Variants in TSHR observed in about 807,000 individuals in gnomAD.
TSHR encodes the protein thyroid stimulating hormone receptor.
TSHR carries 51 observed loss-of-function variants against 64.1 expected under a neutral mutation model. The observed-to-expected ratio is 0.80, with a 90% CI of 0.64 to 1.01. The LOEUF (loss-of-function observed/expected upper bound fraction) is 1.01. Among genes scored for constraint, TSHR ranks in the 50% least tolerant of loss-of-function variants. The pLI is 0.00. For synonymous variants in TSHR, 361 were observed against 361.9 expected, an observed-to-expected ratio of 1.00 and a Z score of 0.03; for missense variants, 877 against 942.8, an observed-to-expected ratio of 0.93 and a Z score of 0.91.
At chr14:81,003,820 A>C (rs1381264684) in intron 1 of TSHR, among the ~76,000 whole-genome samples, 1 of 152,056 alleles carries the variant, frequency 6.6e-6, no homozygotes. Flanking sequence ...ATGGCTTTGC[A>C]CACTTCACCT....
At chr14:81,038,704 C>T (rs994876378) in intron 1 of TSHR, among the ~76,000 whole-genome samples, 1 of 149,140 alleles carries the variant, frequency 6.7e-6, no homozygotes, top group African/African-American at 2.4e-5. Flanking sequence ...TTATGTTGTG[C>T]ACATGTACCC....
chr14:81,085,163 C>T (rs572214440), intron 3 of TSHR, among the ~76,000 whole-genome samples: 1 of 152,034 alleles, frequency 6.6e-6, no homozygotes, highest in Middle Eastern at 3.2e-3. Context: ...GGTTTCACCA[C>T]GTTGCCCAGG....
In TSHR at chr14:81,092,522, C is replaced by G; in HGVS notation, c.468-9C>G. ...TTTCATTAAGTGTTTTTGTCCCTCT[C>G]TCTTGCAGTGAAATTACAGACAACC... On this transcript the variant is annotated splice_polypyrimidine_tract_variant and intron_variant, in intron 5 of 9. Transcript: ENST00000298171. 2 of 1,613,966 alleles carry G rather than the reference C, an allele frequency of 1.2e-6. No individual in the cohort carries two copies. Among genetic ancestry groups the G allele is most frequent in the Non-Finnish European group, 1.7e-6 (2 of 1,179,850 alleles).
In TSHR at chr14:80,955,773, C is replaced by T. The variant is rs745922510; in HGVS notation, c.93C>T (p.Cys31=). The T allele has an allele frequency of 6.2e-7, 1 of 1,614,182 alleles. No homozygotes were observed. The highest frequency in any genetic ancestry group is 1.1e-5 in the South Asian group (1 of 91,080). Residue 31 remains cysteine, a synonymous_variant, in exon 1 of 10, where the codon TGC becomes TGT. Coordinates refer to ENST00000298171, the MANE Select transcript of TSHR (RefSeq NM_000369.5). ...GGTGTTCGTCTCCACCCTGCGAGTG[C>T]CATCAGGAGGAGGACTTCAGAGTCA... ...GMGCSSPPCE[C]HQEEDFRVTC...
chr14:81,077,411 C>A (rs566905136), intron 3 of TSHR, among the ~76,000 whole-genome samples: 1 of 152,320 alleles, frequency 6.6e-6, no homozygotes, highest in South Asian at 2.1e-4. Flanking sequence ...TGTACACACA[C>A]ATATTCATAC....
At position 80,957,712 on chromosome 14, in the gene TSHR, C is replaced by T. The variant is rs1273254598; in HGVS notation, c.170+1862C>T. On this transcript the variant is annotated intron_variant, in intron 1 of 9. Coordinates refer to ENST00000298171, the MANE Select transcript of TSHR (RefSeq NM_000369.5). ...GGGTAATGGAGAATGAGCAATGGAA[C>T]AGGAGTCAGGAAACCAGCATTCTCT... is the stretch of plus-strand genomic sequence containing the variant. 4.6e-5 allele frequency: 7 copies of T among 152,272 alleles called. 1 individual carries two copies. The highest frequency in any genetic ancestry group is 1.4e-4 in the African/African-American group (6 of 41,550). The allele number at this position is 152,272 out of a possible 1,614,324, so 9.4% of individuals were successfully genotyped here. A position where few individuals can be genotyped will look rare whatever the true frequency, so the allele number is the denominator to read the frequency against.
chr14:80,997,165 G>A (rs747097307), intron 1 of TSHR, among the ~76,000 whole-genome samples: 8 of 152,250 alleles, frequency 5.3e-5, no homozygotes, highest in East Asian at 1.9e-4. Context: ...CTCAACCAAC[G>A]TCAAGCAACT....
chr14:80,996,782 C>T (rs1208767670), intron 1 of TSHR, among the ~76,000 whole-genome samples: 3 of 152,138 alleles, frequency 2.0e-5, no homozygotes, highest in Middle Eastern at 6.8e-3. Flanking sequence ...GAGGTGGGTG[C>T]GGATGGTGGG....
In TSHR at chr14:80,955,732, G is replaced by T. The variant is rs758625628; in HGVS notation, c.52G>T (p.Asp18Tyr). ...GGTGCTGCTGCTCGACCTGCCCAGGGACCTGGGCGGAATGGGGTGTTCGTC... is the reference window on the plus strand; with the variant it reads ...GGTGCTGCTGCTCGACCTGCCCAGGTACCTGGGCGGAATGGGGTGTTCGTC... Reference protein sequence around the residue: ...QLVLLLDLPRDLGGMGCSSPP... With the variant: ...QLVLLLDLPRYLGGMGCSSPP... Residue 18 changes from aspartate to tyrosine, a missense_variant, in exon 1 of 10, where the codon GAC (aspartate) becomes TAC (tyrosine). Coordinates refer to ENST00000298171, the MANE Select transcript of TSHR (RefSeq NM_000369.5). The T allele has an allele frequency of 1.9e-6, 3 of 1,614,136 alleles. No homozygotes were observed. Among genetic ancestry groups the T allele is most frequent in the Non-Finnish European group, 8.5e-7 (1 of 1,180,010 alleles).
chr14:80,998,683 C>T (rs1889147708), intron 1 of TSHR, among the ~76,000 whole-genome samples: 1 of 151,944 alleles, frequency 6.6e-6, no homozygotes, highest in Non-Finnish European at 1.5e-5. Context: ...TGATACACAA[C>T]ATTATCTTGA....
chr14:81,138,934 A>G (rs1285904876), intron 8 of TSHR, among the ~76,000 whole-genome samples: 2 of 152,208 alleles, frequency 1.3e-5, no homozygotes, highest in African/African-American at 2.4e-5. Context: ...AGAAAAGAGC[A>G]GAGAATGCCA....
intron 8 of TSHR, among the ~76,000 whole-genome samples, chr14:81,122,949 A>T (rs1183966301): frequency 1.3e-5 from 2 of 152,126 alleles, no homozygotes; most frequent in African/African-American, 4.8e-5. Context: ...TACATGGTGA[A>T]ACGCCGTCTC....
At chr14:81,082,750 C>T (rs878980853) in intron 3 of TSHR, among the ~76,000 whole-genome samples, 6 of 152,190 alleles carry the variant, frequency 3.9e-5, no homozygotes, top group Admixed American at 2.0e-4. Flanking sequence ...GTGGCAGCTT[C>T]TCTTCTGACA....
intron 1 of TSHR, chr14:81,012,234 T>C (rs1889953427): frequency 6.6e-6 from 1 of 151,684 alleles, no homozygotes; most frequent in Admixed American, 6.6e-5. Flanking sequence ...AATGATGATT[T>C]CCAATTTCAT....
intron 1 of TSHR, among the ~76,000 whole-genome samples, chr14:80,984,246 C>T (rs11850934): frequency 0.057 from 8,688 of 152,218 alleles, 800 homozygotes; most frequent in African/African-American, 0.2. Context: ...CAGACAAATG[C>T]ATTATTTGTT....
intron 7 of TSHR, among the ~76,000 whole-genome samples, chr14:81,107,325 T>C (rs1169642456): frequency 1.3e-5 from 2 of 152,188 alleles, no homozygotes; most frequent in Non-Finnish European, 2.9e-5. Context: ...GGGTCTCTGC[T>C]ATATTCTTTT....
chr14:81,005,238 T>TC, intron 1 of TSHR, among the ~76,000 whole-genome samples: 1 of 122,084 alleles, frequency 8.2e-6, no homozygotes, highest in Non-Finnish European at 1.6e-5. Context: ...TGTGTGTGTG[T>TC]GTGCACGCAC....
At position 80,982,386 on chromosome 14, in the gene TSHR, C is replaced by T. The variant is rs534265286; in HGVS notation, c.170+26536C>T. On this transcript the variant is annotated intron_variant, in intron 1 of 9. Transcript: ENST00000298171. ...ATGGAGAAGAGGCTGGTAATCATTCCGGTGCTAAGAATGATAAACCTGAAA... is the reference window on the plus strand; with the variant it reads ...ATGGAGAAGAGGCTGGTAATCATTCTGGTGCTAAGAATGATAAACCTGAAA... 11 of 1,257,522 alleles carry T rather than the reference C, an allele frequency of 8.7e-6. No homozygotes were observed. In the South Asian group the frequency reaches 9.5e-5, roughly 11 times the overall value. 77.9% of individuals were successfully genotyped at this position (1,257,522 alleles called of 1,614,324 possible).
In TSHR at chr14:81,061,147, G is replaced by A. The variant is rs183717043; in HGVS notation, c.171-1001G>A. On this transcript the variant is annotated intron_variant, in intron 1 of 9. Transcript: ENST00000298171. ...ATGATAAGATCAAGATATGATCGAAGAGACTTTTACTTGTGCAAGAAGGTA... is the reference window on the plus strand; with the variant it reads ...ATGATAAGATCAAGATATGATCGAAAAGACTTTTACTTGTGCAAGAAGGTA... Among the ~76,000 whole-genome samples the A allele has an allele frequency of 7.9e-5, 12 of 152,248 alleles. No homozygotes were observed. In the East Asian group the frequency reaches 2.3e-3, roughly 29 times the overall value.
Sources: gnomAD v4.1 joint callset for allele counts (sites outside exome capture counted in the v4.1 genomes callset) on GRCh38, gnomAD v4.1.1 for gene constraint, MANE v1.5 for transcripts, NCBI Gene and HGNC (gene_info 2026-07-23, HGNC 2026-07-21) for gene names.